The following MCOLN2 variants were observed in gnomAD, a reference collection of about 807,000 sequenced individuals.
The protein encoded by MCOLN2 is mucolipin TRP cation channel 2.
In MCOLN2, 57 loss-of-function variants were observed where a neutral mutation model predicts 67.5. The observed-to-expected ratio is 0.84, with a 90% CI of 0.68 to 1.05. MCOLN2 has a LOEUF of 1.05. Among genes scored for constraint, MCOLN2 ranks in the 50% least tolerant of loss-of-function variants. MCOLN2 has a pLI of 0.00. For synonymous variants in MCOLN2, 246 were observed against 233.3 expected (o/e 1.05, Z -0.50); for missense variants, 620 against 678.8 (o/e 0.91, Z 0.96).
rs550436490 is a variant in MCOLN2, at chr1:84,981,728, A to C, written c.77+15068T>G. On this transcript the variant is annotated intron_variant, in intron 1 of 13. Coordinates refer to ENST00000370608, the MANE Select transcript of MCOLN2 (RefSeq NM_153259.4). ...TGGGTTAATGGGTACAAAGAGAAAG[A>C]ATGAATAAGACCTAGTATTTGATAG... Among the ~76,000 whole-genome samples the C allele has an allele frequency of 2.6e-5, 4 of 152,308 alleles. No individual in the cohort carries two copies. The East Asian group carries it at 7.7e-4, about 29-fold the overall frequency.
intron 11 of MCOLN2, among the ~76,000 whole-genome samples, chr1:84,932,525 A>T (rs1647231077): frequency 6.6e-6 from 1 of 152,142 alleles, no homozygotes; most frequent in African/African-American, 2.4e-5. Context: ...CATTTGTTAT[A>T]TAACAGACCA....
intron 6 of MCOLN2, 26 bp from the exon 7 acceptor site, chr1:84,947,158 T>G (rs761295873): frequency 1.8e-6 from 2 of 1,105,926 alleles, no homozygotes; most frequent in South Asian, 2.5e-5. Context: ...TATAGCGAGA[T>G]TACAACACAG....
At chr1:84,993,732 G>C (rs909551952) in intron 1 of MCOLN2, among the ~76,000 whole-genome samples, 9 of 148,744 alleles carry the variant, frequency 6.1e-5, no homozygotes, top group Non-Finnish European at 8.9e-5. Context: ...CCGGGTTCAC[G>C]CCATTCTCCT....
intron 8 of MCOLN2, 46 bp downstream of exon 8, chr1:84,940,833 G>A (rs772513422): frequency 7.4e-7 from 1 of 1,357,014 alleles, no homozygotes; most frequent in Admixed American, 1.9e-5. Flanking sequence ...GGCAAACTGA[G>A]GGCGCAGGCC....
chr1:84,985,788 A>G (rs1650476488), intron 1 of MCOLN2, among the ~76,000 whole-genome samples: 1 of 152,236 alleles, frequency 6.6e-6, no homozygotes, highest in Non-Finnish European at 1.5e-5. Context: ...AAAAGAAATC[A>G]TAGATGACAC....
intron 1 of MCOLN2, among the ~76,000 whole-genome samples, chr1:84,968,664 C>T (rs1208227137): frequency 6.6e-6 from 1 of 152,208 alleles, no homozygotes; most frequent in Non-Finnish European, 1.5e-5. Context: ...CGCCTTAAGG[C>T]CTCATGAGCA....
chr1:84,925,925 T>TA lies in MCOLN2; in HGVS notation c.*759_*760insT, dbSNP rs769775604. ...TTTTTTTTGAGACAGGATCTCACTC[T>TA]GTCACCCAGGCTGGAGTGTAGTGGC... On this transcript the variant is annotated 3_prime_UTR_variant, in exon 14 of 14. Transcript: ENST00000370608. 1 of 152,196 alleles carries TA rather than the reference T, an allele frequency of 6.6e-6. No individual in the cohort carries two copies. Among genetic ancestry groups the TA allele is most frequent in the Non-Finnish European group, 1.5e-5 (1 of 68,260 alleles). The allele number at this position is 152,196 out of a possible 1,614,324, so 9.4% of individuals were successfully genotyped here.
rs578257111 is a variant in MCOLN2, at chr1:84,988,304, G to A, written c.77+8492C>T. ...TGGACTCAAGCAATCCTCCCACCTCGGCCTCCCAAAGTGCTGTGATTACAG... is the reference window on the plus strand; with the variant it reads ...TGGACTCAAGCAATCCTCCCACCTCAGCCTCCCAAAGTGCTGTGATTACAG... On this transcript the variant is annotated intron_variant, in intron 1 of 13. Transcript: ENST00000370608. Among the ~76,000 whole-genome samples, 14 of 151,740 alleles carry A rather than the reference G, an allele frequency of 9.2e-5. No homozygotes were observed. In the East Asian group the frequency reaches 1.7e-3, roughly 19 times the overall value.
chr1:84,931,452 A>T lies in MCOLN2; in HGVS notation c.1452T>A (p.Arg484=). 2 of 1,612,154 alleles carry T rather than the reference A, an allele frequency of 1.2e-6. No homozygotes were observed. Among genetic ancestry groups the T allele is most frequent in the Non-Finnish European group, 1.7e-6 (2 of 1,178,236 alleles). Residue 484 remains arginine, a synonymous_variant, in exon 12 of 14, where the codon CGT becomes CGA. Coordinates refer to ENST00000370608, the MANE Select transcript of MCOLN2 (RefSeq NM_153259.4). ...QKSILVWLFS[R]LYLYSFISLF... ...GGCTGATGAAGGAATATAAATACAG[A>T]CGACTGAACAGCCACACCAAGATGC...
chr1:84,986,538 C>T (rs1291463024), intron 1 of MCOLN2, among the ~76,000 whole-genome samples: 1 of 113,290 alleles, frequency 8.8e-6, no homozygotes, highest in Admixed American at 1.0e-4. Flanking sequence ...ATCAAAACTC[C>T]ATCTCAAAAA....
Position 84,996,865 on chromosome 1 carries a change from C to G in MCOLN2, c.8G>C (p.Arg3Pro). The G allele has an allele frequency of 6.2e-7, 1 of 1,614,066 alleles. No homozygotes were observed. Among genetic ancestry groups the G allele is most frequent in the Non-Finnish European group, 8.5e-7 (1 of 1,179,940 alleles). MA[R>P]QPYRFPQARI... is the part of the protein sequence containing the mutation. The stretch of plus-strand genomic sequence containing the variant: ...TGCCTGGGGAAAACGATAAGGCTGC[C>G]GGGCCATGCCTCCTCCTTCAAAACT... Residue 3 changes from arginine to proline, a missense_variant, in exon 1 of 14, where the codon CGG becomes CCG. By Grantham distance (103) the Arg-to-Pro change is moderately radical. Transcript: ENST00000370608.
intron 12 of MCOLN2, among the ~76,000 whole-genome samples, chr1:84,930,949 AC>A (rs1481005787): frequency 2.0e-5 from 3 of 152,190 alleles, no homozygotes; most frequent in Non-Finnish European, 4.4e-5. Context: ...GGAAGCCTGC[AC>A]CATGCCAGTA....
At chr1:84,927,225 A>G (rs897486381) in intron 13 of MCOLN2, among the ~76,000 whole-genome samples, 21 of 151,632 alleles carry the variant, frequency 1.4e-4, no homozygotes, top group African/African-American at 5.1e-4. Context: ...AAAGAAAAAT[A>G]TATGTTACAT....
intron 2 of MCOLN2, among the ~76,000 whole-genome samples, chr1:84,965,273 ATG>A (rs1178968403): frequency 2.0e-5 from 3 of 152,178 alleles, no homozygotes; most frequent in Non-Finnish European, 4.4e-5. Context: ...CAGAACACAA[ATG>A]TGTGTCACTC....
chr1:84,970,702 T>C (rs1649633799), intron 1 of MCOLN2, among the ~76,000 whole-genome samples: 1 of 151,894 alleles, frequency 6.6e-6, no homozygotes, highest in African/African-American at 2.4e-5. Flanking sequence ...TAAATATAAA[T>C]AAAAGAATAC....
intron 2 of MCOLN2, among the ~76,000 whole-genome samples, chr1:84,959,900 T>C (rs1648988496): frequency 6.6e-6 from 1 of 152,172 alleles, no homozygotes. Flanking sequence ...ACAATTCAGA[T>C]AAAACTAATG....
At position 84,987,343 on chromosome 1, in the gene MCOLN2, T is replaced by G. The variant is rs888125478; in HGVS notation, c.77+9453A>C. Among the ~76,000 whole-genome samples, 11 of 143,934 alleles carry G rather than the reference T, an allele frequency of 7.6e-5. 1 individual carries two copies. In the Admixed American group the frequency reaches 7.8e-4, roughly 10 times the overall value. The allele number at this position is 143,934 out of a possible 152,430, so 94.4% of individuals were successfully genotyped here. A position where few individuals can be genotyped will look rare whatever the true frequency, so the allele number is the denominator to read the frequency against. On this transcript the variant is annotated intron_variant, in intron 1 of 13. Transcript: ENST00000370608. Reference sequence around the variant, plus strand: ...GTATATAGATATATAGATATATGTATATAGATATATGTAGATATATATCCA... The same window carrying G: ...GTATATAGATATATAGATATATGTAGATAGATATATGTAGATATATATCCA...
At chr1:84,944,994 T>C (rs1648011220) in intron 7 of MCOLN2, among the ~76,000 whole-genome samples, 1 of 152,192 alleles carries the variant, frequency 6.6e-6, no homozygotes, top group Non-Finnish European at 1.5e-5. Flanking sequence ...CATCACATCA[T>C]CTTATTTTAA....
intron 11 of MCOLN2, among the ~76,000 whole-genome samples, chr1:84,933,250 A>C (rs182323057): frequency 8.5e-5 from 13 of 152,218 alleles, no homozygotes; most frequent in Admixed American, 7.8e-4. Context: ...TGGTCTTCTA[A>C]TTGTTTTTAT....
Sources: gnomAD v4.1 joint callset for allele counts (sites outside exome capture counted in the v4.1 genomes callset) on GRCh38, gnomAD v4.1.1 for gene constraint, MANE v1.5 for transcripts, NCBI Gene and HGNC (gene_info 2026-07-23, HGNC 2026-07-21) for gene names.